The following POLH variants were observed in gnomAD, a reference collection of about 807,000 sequenced individuals.
The protein encoded by POLH is DNA polymerase eta.
Under a neutral mutation model 73.6 loss-of-function variants are expected in POLH, and 53 were observed. That is an observed-to-expected ratio of 0.72 (90% confidence interval 0.58 to 0.91). The LOEUF is 0.91. POLH is among the 40% of genes least tolerant of loss of function. The pLI is 0.00. For missense variants in POLH, 768 were observed against 865.4 expected, an observed-to-expected ratio of 0.89 and a Z score of 1.41; for synonymous variants, 292 against 308.5, an observed-to-expected ratio of 0.95 and a Z score of 0.56.
intron 1 of POLH, among the ~76,000 whole-genome samples, chr6:43,579,557 T>A (rs1486051593): frequency 2.6e-5 from 4 of 152,214 alleles, no homozygotes; most frequent in African/African-American, 4.8e-5. Flanking sequence ...TATAATAAAC[T>A]AGTAAATTTG....
chr6:43,584,028 G>A (rs1018804081), intron 3 of POLH, among the ~76,000 whole-genome samples: 1 of 152,072 alleles, frequency 6.6e-6, no homozygotes, highest in East Asian at 1.9e-4. Context: ...TTGCAGTCCC[G>A]GCTACTCAGG....
At chr6:43,596,895 A>C (rs114505219) in intron 4 of POLH, among the ~76,000 whole-genome samples, 266 of 152,322 alleles carry the variant, frequency 1.7e-3, no homozygotes, top group African/African-American at 4.1e-3. Flanking sequence ...CAGCTTATCA[A>C]GGGAATAAAT....
rs931725188 is a variant in POLH at position 43,616,121 on chromosome 6, C to CA, written c.*1573dup. Among the ~76,000 whole-genome samples, 8 of 149,388 alleles carry CA rather than the reference C, an allele frequency of 5.4e-5. No individual in the cohort carries two copies. Among genetic ancestry groups the CA allele is most frequent in the African/African-American group, 9.8e-5 (4 of 40,752 alleles). On this transcript the variant is annotated 3_prime_UTR_variant, in exon 11 of 11. Coordinates refer to ENST00000372236, the MANE Select transcript of POLH (RefSeq NM_006502.3). Reference sequence around the variant, plus strand: ...GAAACCCCGTCTCTACTAAAAAATACAAAAAAAAATTAGCCGGGTGCGGTG... The same window carrying CA: ...GAAACCCCGTCTCTACTAAAAAATACAAAAAAAAAATTAGCCGGGTGCGGTG...
chr6:43,587,329 A>G lies in POLH; in HGVS notation c.330A>G (p.Glu110=), dbSNP rs56239418. The change falls in exon 4 of 11, where the codon GAA becomes GAG. Residue 110 remains glutamate, a synonymous_variant. Transcript: ENST00000372236. ...TAATGTCTCGTTTTGCTGTGATTGA[A>G]CGTGCCAGCATTGATGAGGCTTACG... ...MEIMSRFAVI[E]RASIDEAYVD... 6.2e-7 allele frequency: 1 copy of G among 1,614,136 alleles called. No individual in the cohort carries two copies.
rs925717719 is a variant in POLH, at chr6:43,610,595, A to G, written c.1116A>G (p.Val372=). The G allele has an allele frequency of 6.2e-7, 1 of 1,613,990 alleles. No individual in the cohort carries two copies. The highest frequency in any genetic ancestry group is 8.5e-7 in the Non-Finnish European group (1 of 1,180,002). ...VATQLVVSIR[V]QGDKRLSSLR... Reference sequence around the variant, plus strand: ...CCCAGCTGGTTGTGAGCATTCGTGTACAAGGAGACAAACGCCTCAGCAGCC... The same window carrying G: ...CCCAGCTGGTTGTGAGCATTCGTGTGCAAGGAGACAAACGCCTCAGCAGCC... The change falls in exon 10 of 11, where the codon GTA becomes GTG. Residue 372 remains valine (V), a synonymous_variant. Coordinates refer to ENST00000372236, the MANE Select transcript of POLH (RefSeq NM_006502.3).
rs371325034 is a variant in POLH at position 43,582,527 on chromosome 6, T to TGTG, written c.137+90_137+92dup. 43,775 of 1,467,628 alleles carry TGTG rather than the reference T, an allele frequency of 0.03. 961 individuals are homozygous for TGTG. Among genetic ancestry groups the TGTG allele is most frequent in the Non-Finnish European group, 0.033 (34,261 of 1,048,104 alleles). The allele number at this position is 1,467,628 out of a possible 1,614,324, so 90.9% of individuals were successfully genotyped here. ...GGCACTGTGGCAGGTCCTTTGTTGT[T>TGTG]GTGGTGGTGGTGGTGGTGGTGACAG... On this transcript the variant is annotated intron_variant, in intron 2 of 10. Transcript: ENST00000372236.
chr6:43,580,936 G>C (rs1582266871), intron 1 of POLH, among the ~76,000 whole-genome samples: 3 of 150,030 alleles, frequency 2.0e-5, no homozygotes, highest in Admixed American at 6.6e-5. Flanking sequence ...TGGCCAGGCG[G>C]GGGGCTGACC....
Position 43,610,592 on chromosome 6 carries a change from T to C in POLH, c.1113T>C (p.Arg371=), listed in dbSNP as rs772969702. 2 of 1,613,996 alleles carry C rather than the reference T, an allele frequency of 1.2e-6. No individual in the cohort carries two copies. The highest frequency in any genetic ancestry group is 1.3e-5 in the African/African-American group (1 of 74,912). The part of the protein sequence containing the change: ...RVATQLVVSI[R]VQGDKRLSSL... ...CCACCCAGCTGGTTGTGAGCATTCG[T>C]GTACAAGGAGACAAACGCCTCAGCA... is the stretch of plus-strand genomic sequence containing the variant. The change falls in exon 10 of 11, where the codon CGT becomes CGC. Residue 371 remains arginine (R), a synonymous_variant. Transcript: ENST00000372236.
chr6:43,606,618 G>A (rs1455122591), intron 9 of POLH, among the ~76,000 whole-genome samples: 5 of 151,880 alleles, frequency 3.3e-5, no homozygotes, highest in Admixed American at 1.3e-4. Flanking sequence ...TAGTAGAGAC[G>A]GGGTTTTACC....
chr6:43,580,113 T>C (rs1763854195), intron 1 of POLH, among the ~76,000 whole-genome samples: 1 of 149,518 alleles, frequency 6.7e-6, no homozygotes, highest in Non-Finnish European at 1.5e-5. Flanking sequence ...TGATGACTCT[T>C]AACGAGCATG....
intron 4 of POLH, among the ~76,000 whole-genome samples, chr6:43,597,473 G>T (rs960461211): frequency 2.0e-5 from 3 of 152,114 alleles, no homozygotes; most frequent in African/African-American, 7.2e-5. Flanking sequence ...AATATTTGTC[G>T]TACATTAGCA....
chr6:43,587,424 T>C lies in POLH; in HGVS notation c.425T>C (p.Leu142Ser). Reference sequence around the variant, plus strand: ...GGTCAGCCTATCTCGGCAGACTTGTTGCCAAGCACTTACATTGAAGGGTTG... The same window carrying C: ...GGTCAGCCTATCTCGGCAGACTTGTCGCCAAGCACTTACATTGAAGGGTTG... The part of the protein sequence containing the change: ...LQGQPISADL[L>S]PSTYIEGLPQ... Residue 142 changes from leucine (L) to serine (S), a missense_variant, in exon 4 of 11, where the codon TTG (leucine) becomes TCG (serine). By Grantham distance (145) the Leu-to-Ser change is moderately radical (BLOSUM62 -2). Coordinates refer to ENST00000372236, the MANE Select transcript of POLH (RefSeq NM_006502.3). The C allele has an allele frequency of 1.2e-6, 2 of 1,614,220 alleles. No individual in the cohort carries two copies. The highest frequency in any genetic ancestry group is 1.7e-6 in the Non-Finnish European group (2 of 1,180,034).
At position 43,614,588 on chromosome 6, in the gene POLH, A is replaced by G. The variant is rs201946729; in HGVS notation, c.*31A>G. The G allele has an allele frequency of 1.6e-3, 2,415 of 1,556,302 alleles. 4 individuals carry two copies. The highest frequency in any genetic ancestry group is 1.6e-3 in the Non-Finnish European group (1,803 of 1,131,588). On this transcript the variant is annotated 3_prime_UTR_variant, in exon 11 of 11. Coordinates refer to ENST00000372236, the MANE Select transcript of POLH (RefSeq NM_006502.3). ...CCCTCAGGCTTGCCTGTAGGATTTA[A>G]TATTTTTTATCTTTACAGATCTTTA...
At position 43,613,997 on chromosome 6, in the gene POLH, A is replaced by C; in HGVS notation, c.1582A>C (p.Thr528Pro). Reference protein sequence around the residue: ...LPFQTSQSTGTEPFFKQKSLL... With the variant: ...LPFQTSQSTGPEPFFKQKSLL... ...TTTTCAAACCAGTCAAAGTACAGGA[A>C]CTGAGCCCTTCTTTAAGCAGAAAAG... Residue 528 changes from threonine (T) to proline (P), a missense_variant, in exon 11 of 11, where the codon ACT becomes CCT. Physicochemically the swap from Thr to Pro is conservative, Grantham distance 38. Transcript: ENST00000372236. The C allele has an allele frequency of 1.2e-6, 2 of 1,614,132 alleles. No homozygotes were observed. Among genetic ancestry groups the C allele is most frequent in the Non-Finnish European group, 1.7e-6 (2 of 1,180,046 alleles).
chr6:43,584,146 A>G (rs1373043254), intron 3 of POLH, among the ~76,000 whole-genome samples: 2 of 152,184 alleles, frequency 1.3e-5, no homozygotes, highest in African/African-American at 4.8e-5. Context: ...CTGTCTCAAG[A>G]AAGAGAAAAG....
Position 43,620,276 on chromosome 6 carries a change from T to C in POLH, c.*5719T>C, listed in dbSNP as rs1768626363. 1.9e-6 allele frequency: 1 copy of C among 517,194 alleles called. No homozygotes were observed. The highest frequency in any genetic ancestry group is 1.9e-5 in the African/African-American group (1 of 51,842). The allele number at this position is 517,194 out of a possible 1,614,324, so 32.0% of individuals were successfully genotyped here. ...CACGTGAAAGGCCTCAGTATTCTGC[T>C]CACTTGAACTACGGAAAATAGGCCA... On this transcript the variant is annotated 3_prime_UTR_variant, in exon 11 of 11. Transcript: ENST00000372236.
At position 43,582,427 on chromosome 6, in the gene POLH, T is replaced by A; in HGVS notation, c.108T>A (p.Val36=). ...ATTTGAGGAATAAACCTTGTGCAGT[T>A]GTACAGTACAAATCATGGAAGGGTG... ...NPHLRNKPCA[V]VQYKSWKGGG... The change falls in exon 2 of 11, where the codon GTT becomes GTA. Residue 36 remains valine (V), a synonymous_variant. Coordinates refer to ENST00000372236, the MANE Select transcript of POLH (RefSeq NM_006502.3). 1 of 1,613,966 alleles carries A rather than the reference T, an allele frequency of 6.2e-7. No individual in the cohort carries two copies. The highest frequency in any genetic ancestry group is 8.5e-7 in the Non-Finnish European group (1 of 1,179,834).
At chr6:43,607,180 C>T (rs567103324) in intron 9 of POLH, among the ~76,000 whole-genome samples, 12 of 152,308 alleles carry the variant, frequency 7.9e-5, no homozygotes, top group South Asian at 2.1e-4. Context: ...CTGCAACATC[C>T]GCCTCTCCAG....
At chr6:43,597,399 G>A (rs192924623) in intron 4 of POLH, among the ~76,000 whole-genome samples, 57 of 152,326 alleles carry the variant, frequency 3.7e-4, no homozygotes, top group African/African-American at 1.1e-3. Context: ...ACAGGCGTGA[G>A]CCACCGTGCC....
Sources: gnomAD v4.1 joint callset for allele counts (sites outside exome capture counted in the v4.1 genomes callset) on GRCh38, gnomAD v4.1.1 for gene constraint, MANE v1.5 for transcripts, NCBI Gene and HGNC (gene_info 2026-07-23, HGNC 2026-07-21) for gene names.